LINGO2: variants seen among roughly 807,000 people sequenced by gnomAD.
LINGO2 encodes the protein leucine-rich repeat and immunoglobulin-like domain-containing nogo receptor-interacting protein 2.
LINGO2 carries 14 observed loss-of-function variants against 30.6 expected under a neutral mutation model. The ratio of observed to expected loss-of-function variants is 0.46; its 90% CI spans 0.30 to 0.72. The LOEUF is 0.72. Ranked by LOEUF, LINGO2 falls within the 30% of genes least tolerant of loss-of-function variation. The pLI is 0.07. For synonymous variants in LINGO2, 317 were observed against 288.5 expected (o/e 1.10, Z -1.00); for missense variants, 729 against 751.7 (o/e 0.97, Z 0.35).
chr9:28,638,453 CT>C (rs1010436891), intron 1 of LINGO2, among the ~76,000 whole-genome samples: 1 of 152,096 alleles, frequency 6.6e-6, no homozygotes, highest in Non-Finnish European at 1.5e-5. Context: ...TGGTCCTGGA[CT>C]TTTTTTAGTT....
At chr9:28,034,055 C>A (rs986758943) in intron 4 of LINGO2, among the ~76,000 whole-genome samples, 3 of 152,184 alleles carry the variant, frequency 2.0e-5, no homozygotes, top group African/African-American at 4.8e-5. Flanking sequence ...CTGGAGGTCT[C>A]GGGCCCTCCT....
At chr9:29,112,379 CT>C in the LINGO2 span, among the ~76,000 whole-genome samples, 3 of 152,210 alleles carry the variant, frequency 2.0e-5, no homozygotes, top group South Asian at 6.2e-4. Flanking sequence ...GGAATCTGCT[CT>C]TGTGGGCTTT....
chr9:28,157,197 T>C (rs1828155779), intron 4 of LINGO2, among the ~76,000 whole-genome samples: 1 of 152,198 alleles, frequency 6.6e-6, no homozygotes, highest in South Asian at 2.1e-4. Flanking sequence ...CATCCAGGCA[T>C]TTCCATACAT....
chr9:28,395,829 C>T (rs1158986289), intron 2 of LINGO2, among the ~76,000 whole-genome samples: 1 of 152,150 alleles, frequency 6.6e-6, no homozygotes, highest in Non-Finnish European at 1.5e-5. Flanking sequence ...ACTCCTCTGT[C>T]ATGGATACTT....
chr9:29,057,725 G>C, the LINGO2 span, among the ~76,000 whole-genome samples: 1 of 152,022 alleles, frequency 6.6e-6, no homozygotes, highest in Non-Finnish European at 1.5e-5. Flanking sequence ...AGCATGCATC[G>C]GGCCAGATAC....
intron 2 of LINGO2, among the ~76,000 whole-genome samples, chr9:28,431,018 A>G (rs1823648477): frequency 7.5e-6 from 1 of 132,540 alleles, no homozygotes; most frequent in Non-Finnish European, 1.6e-5. Context: ...TGCTTACTAC[A>G]GCATGAGTGA....
At chr9:28,367,095 TTTGGTTAA>T in intron 3 of LINGO2, among the ~76,000 whole-genome samples, 1 of 147,896 alleles carries the variant, frequency 6.8e-6, no homozygotes, top group African/African-American at 2.5e-5. Flanking sequence ...GTATTATAAT[TTTGGTTAA>T]ATCAAAAGTC....
the LINGO2 span, among the ~76,000 whole-genome samples, chr9:29,169,646 AT>A: frequency 6.6e-6 from 1 of 152,178 alleles, no homozygotes; most frequent in African/African-American, 2.4e-5. Flanking sequence ...GTTGGCAAGG[AT>A]GTGGAGAAAA....
At chr9:29,205,860 A>G in the LINGO2 span, among the ~76,000 whole-genome samples, 1 of 152,208 alleles carries the variant, frequency 6.6e-6, no homozygotes, top group African/African-American at 2.4e-5. Flanking sequence ...TTGTCCCAAA[A>G]GATTCCTTGT....
At chr9:28,160,397 C>T (rs10125826) in intron 4 of LINGO2, among the ~76,000 whole-genome samples, 1,905 of 152,232 alleles carry the variant, frequency 0.013, 45 homozygotes, top group African/African-American at 0.044. Flanking sequence ...AAGAATTCTT[C>T]GCTGTCAAAT....
intron 2 of LINGO2, among the ~76,000 whole-genome samples, chr9:28,435,997 C>T (rs1226152122): frequency 6.6e-6 from 1 of 152,092 alleles, no homozygotes; most frequent in Non-Finnish European, 1.5e-5. Flanking sequence ...CTATTTGTGT[C>T]GGCCAGCAGT....
the LINGO2 span, among the ~76,000 whole-genome samples, chr9:28,797,359 T>TATATATATATAGAGAGAGAGAG: frequency 1.5e-4 from 5 of 34,212 alleles, no homozygotes; most frequent in African/African-American, 1.9e-4. Flanking sequence ...TATATATATA[T>TATATATATATAGAGAGAGAGAG]AGAGAGAGAG....
At chr9:28,120,160 A>T (rs1157527414) in intron 4 of LINGO2, among the ~76,000 whole-genome samples, 1 of 152,222 alleles carries the variant, frequency 6.6e-6, no homozygotes, top group East Asian at 1.9e-4. Context: ...GGAGGAAACT[A>T]CATAGACCAT....
chr9:28,732,242 C>T, the LINGO2 span, among the ~76,000 whole-genome samples: 5 of 151,994 alleles, frequency 3.3e-5, no homozygotes, highest in African/African-American at 7.3e-5. Flanking sequence ...AAACGCTCAT[C>T]GAAGCCCTGG....
downstream of LINGO2, chr9:27,944,137 A>T (rs1025997486): frequency 6.6e-6 from 1 of 152,196 alleles, no homozygotes; most frequent in African/African-American, 2.4e-5. Flanking sequence ...AAGATAAGGA[A>T]GTTCTAGTCC....
At chr9:28,888,440 T>A in the LINGO2 span, among the ~76,000 whole-genome samples, 1 of 152,030 alleles carries the variant, frequency 6.6e-6, no homozygotes, top group Non-Finnish European at 1.5e-5. Flanking sequence ...CAGAAAAAAA[T>A]TAGATAACAA....
chr9:28,519,857 C>G (rs1288734073), intron 1 of LINGO2, among the ~76,000 whole-genome samples: 1 of 152,122 alleles, frequency 6.6e-6, no homozygotes, highest in Admixed American at 6.5e-5. Flanking sequence ...GAAGTTTTTG[C>G]CCAGCCCTTG....
the LINGO2 span, among the ~76,000 whole-genome samples, chr9:28,957,681 G>C: frequency 1.5e-4 from 23 of 152,080 alleles, no homozygotes; most frequent in Admixed American, 1.5e-3. Context: ...ATCTGTTCAT[G>C]TTTTTGTTGT....
At chr9:28,624,171 C>A (rs1826543288) in intron 1 of LINGO2, among the ~76,000 whole-genome samples, 2 of 151,990 alleles carry the variant, frequency 1.3e-5, no homozygotes, top group South Asian at 4.1e-4. Context: ...TTATTTCTTT[C>A]TCTTGCCTGA....
Sources: allele counts gnomAD v4.1 joint callset (sites outside exome capture counted in the v4.1 genomes callset), GRCh38; gene constraint gnomAD v4.1.1; transcripts MANE v1.5; gene names NCBI Gene and HGNC (gene_info 2026-07-23, HGNC 2026-07-21).